Variants in PIGF observed in about 807,000 individuals in gnomAD.
PIGF encodes the protein GPI ethanolamine phosphate transferase, stabilizing subunit.
A neutral mutation model predicts 26.0 loss-of-function variants in PIGF; 23 were observed. The observed-to-expected ratio is 0.88, with a 90% CI of 0.64 to 1.25. PIGF has a LOEUF of 1.25. Among genes scored for constraint, PIGF ranks in the 50% most tolerant of loss-of-function variants. The probability of loss-of-function intolerance (pLI) is 0.00; values close to 1 mark genes in which losing one functional copy is unlikely to be tolerated. For missense variants in PIGF, 278 were observed against 249.9 expected (o/e 1.11, Z -0.76); for synonymous variants, 93 against 92.6 (o/e 1.00, Z -0.03).
chr2:46,612,643 T>C (rs1194228286), intron 3 of PIGF, among the ~76,000 whole-genome samples: 1 of 146,312 alleles, frequency 6.8e-6, no homozygotes, highest in Admixed American at 7.0e-5. Flanking sequence ...TCTAGATAGT[T>C]AGCTTTCTGC....
chr2:46,609,563 T>C (rs893213570), intron 4 of PIGF, among the ~76,000 whole-genome samples: 1 of 152,252 alleles, frequency 6.6e-6, no homozygotes, highest in Non-Finnish European at 1.5e-5. Flanking sequence ...TTAAGCTTAA[T>C]CACTTCTAGC....
intron 3 of PIGF, among the ~76,000 whole-genome samples, chr2:46,612,719 CCA>C (rs1670465003): frequency 6.6e-6 from 1 of 152,070 alleles, no homozygotes; most frequent in African/African-American, 2.4e-5. Context: ...CACTATTGAA[CCA>C]CTATTGAATA....
At position 46,585,669 on chromosome 2, in the gene PIGF, C is replaced by A. The variant is rs1314555185; in HGVS notation, c.547-4078G>T. ...CAAACAGTATTTCTTTGGTCACTGA[C>A]ACTACTATGTAATAAGTAGAACCGG... On this transcript the variant is annotated intron_variant, in intron 5 of 5. Coordinates refer to ENST00000281382, the MANE Select transcript of PIGF (RefSeq NM_002643.4). 2.0e-5 allele frequency among the ~76,000 whole-genome samples: 3 copies of A among 152,272 alleles called. No homozygotes were observed. In the South Asian group the frequency reaches 6.2e-4, roughly 32 times the overall value.
chr2:46,610,989 T>A (rs1670397003), intron 4 of PIGF, among the ~76,000 whole-genome samples: 1 of 152,186 alleles, frequency 6.6e-6, no homozygotes, highest in South Asian at 2.1e-4. Context: ...TTGCACGAGG[T>A]GCCTTTCTCT....
intron 4 of PIGF, among the ~76,000 whole-genome samples, chr2:46,598,443 C>G (rs1303773506): frequency 6.6e-6 from 1 of 151,884 alleles, no homozygotes; most frequent in Non-Finnish European, 1.5e-5. Flanking sequence ...GCTTCTCTAA[C>G]CCACGGCCCA....
At chr2:46,594,737 T>C (rs1437184599) in intron 4 of PIGF, among the ~76,000 whole-genome samples, 1 of 151,966 alleles carries the variant, frequency 6.6e-6, no homozygotes, top group Non-Finnish European at 1.5e-5. Flanking sequence ...GGTTTCACCA[T>C]GTTGGCCAGG....
intron 3 of PIGF, 117 bp downstream of exon 3, chr2:46,613,577 T>C (rs1409016899): frequency 1.5e-6 from 1 of 671,338 alleles, no homozygotes; most frequent in Non-Finnish European, 2.5e-6. Flanking sequence ...GTTGGTGTCC[T>C]TACTTGATCT....
chr2:46,582,926 G>A (rs1338516406), intron 5 of PIGF: 1 of 152,246 alleles, frequency 6.6e-6, no homozygotes, highest in Non-Finnish European at 1.5e-5. Context: ...CCAAGAAATG[G>A]TGGTTCACAT....
intron 5 of PIGF, among the ~76,000 whole-genome samples, chr2:46,583,923 A>G (rs1393868795): frequency 6.6e-6 from 1 of 152,180 alleles, no homozygotes; most frequent in African/African-American, 2.4e-5. Flanking sequence ...CTTAAAAATA[A>G]ATTTAGGGGC....
intron 4 of PIGF, among the ~76,000 whole-genome samples, chr2:46,608,703 T>A (rs1016816634): frequency 6.6e-6 from 1 of 152,192 alleles, no homozygotes; most frequent in Non-Finnish European, 1.5e-5. Context: ...ACATTAATAT[T>A]CTTGTACATC....
At chr2:46,608,432 T>C (rs1169813609) in intron 4 of PIGF, among the ~76,000 whole-genome samples, 1 of 152,210 alleles carries the variant, frequency 6.6e-6, no homozygotes, top group African/African-American at 2.4e-5. Context: ...ACATCATTCA[T>C]GAGGAATGGA....
intron 4 of PIGF, among the ~76,000 whole-genome samples, chr2:46,611,115 T>C (rs1052031827): frequency 6.6e-6 from 1 of 152,166 alleles, no homozygotes; most frequent in Non-Finnish European, 1.5e-5. Flanking sequence ...ACACCACTTA[T>C]TGCTGGATTT....
intron 1 of PIGF, chr2:46,615,469 G>A (rs1304628734): frequency 4.5e-6 from 1 of 224,612 alleles, no homozygotes; most frequent in East Asian, 1.0e-4. Flanking sequence ...CATGTCCTAG[G>A]ACCAATAAAG....
intron 4 of PIGF, among the ~76,000 whole-genome samples, chr2:46,594,394 T>C (rs149905752): frequency 6.3e-4 from 95 of 151,790 alleles, no homozygotes; most frequent in African/African-American, 2.3e-3. Flanking sequence ...TTCAGCTGGA[T>C]TGGAAAGAAT....
intron 4 of PIGF, among the ~76,000 whole-genome samples, chr2:46,595,904 G>A (rs990485158): frequency 2.0e-5 from 3 of 151,992 alleles, no homozygotes; most frequent in South Asian, 2.1e-4. Flanking sequence ...GCAACTTTAC[G>A]ATCAGAGATG....
intron 4 of PIGF, among the ~76,000 whole-genome samples, chr2:46,608,977 G>A (rs1344633335): frequency 6.6e-6 from 1 of 152,172 alleles, no homozygotes; most frequent in Non-Finnish European, 1.5e-5. Context: ...GGCTGCACTG[G>A]CCCCTAACAA....
intron 1 of PIGF, chr2:46,616,059 G>A (rs1670614204): frequency 6.6e-6 from 1 of 151,962 alleles, no homozygotes; most frequent in South Asian, 2.1e-4. Context: ...ACGCGCGCGC[G>A]CGCGTGGGCG....
intron 4 of PIGF, 75 bp downstream of exon 4, chr2:46,612,153 C>T (rs369571162): frequency 4.2e-6 from 2 of 473,682 alleles, no homozygotes; most frequent in Non-Finnish European, 7.2e-6. Flanking sequence ...AATCAGCAAA[C>T]TGCCATGAAT....
rs10690699 is a variant in PIGF, at chr2:46,610,526, CTTTTTTTTTTTT to C, written c.437+1690_437+1701del. On this transcript the variant is annotated intron_variant, in intron 4 of 5. Coordinates refer to ENST00000281382, the MANE Select transcript of PIGF (RefSeq NM_002643.4). The stretch of plus-strand genomic sequence containing the variant: ...TTCCAAGGGAAAACAGTACTGATTC[CTTTTTTTTTTTT>C]TTTTTTTTTGAGACAGATTCTCACT... 8.2e-5 allele frequency among the ~76,000 whole-genome samples: 9 copies of C among 110,314 alleles called. No individual in the cohort carries two copies. The South Asian group carries it at 2.5e-3, about 30-fold the overall frequency. 72.4% of individuals were successfully genotyped at this position (110,314 alleles called of 152,430 possible). A position where few individuals can be genotyped will look rare whatever the true frequency, so the allele number is the denominator to read the frequency against.
Sources: gnomAD v4.1 joint callset for allele counts (sites outside exome capture counted in the v4.1 genomes callset) on GRCh38, gnomAD v4.1.1 for gene constraint, MANE v1.5 for transcripts, NCBI Gene and HGNC (gene_info 2026-07-23, HGNC 2026-07-21) for gene names.